ERICH1: variants seen among roughly 807,000 people sequenced by gnomAD.
ERICH1 encodes glutamate-rich protein 1.
ERICH1 carries 56 observed loss-of-function variants against 39.6 expected under a neutral mutation model. That is an observed-to-expected ratio of 1.41 (90% CI 1.14 to 1.77). The LOEUF (loss-of-function observed/expected upper bound fraction) is 1.77. Ranked by LOEUF, ERICH1 falls within the 40% of genes most tolerant of loss-of-function variation. The pLI is 0.00. For missense variants in ERICH1, 826 were observed against 575.4 expected, an observed-to-expected ratio of 1.44 and a Z score of -4.45; for synonymous variants, 313 against 223.6, an observed-to-expected ratio of 1.40 and a Z score of -3.57.
At chr8:708,681 GTTTTTTTTTTTT>G (rs139731216) in intron 2 of ERICH1, among the ~76,000 whole-genome samples, 47 of 65,772 alleles carry the variant, frequency 7.1e-4, no homozygotes, top group African/African-American at 2.3e-3. Context: ...GGGATAATGA[GTTTTTTTTTTTT>G]TTTTTTTTTT....
intron 3 of ERICH1, among the ~76,000 whole-genome samples, chr8:631,983 G>T (rs1386083742): frequency 1.3e-5 from 2 of 152,102 alleles, no homozygotes; most frequent in Non-Finnish European, 2.9e-5. Flanking sequence ...CCAGGGCTGG[G>T]TCAGACATCC....
intron 1 of ERICH1, among the ~76,000 whole-genome samples, chr8:728,817 G>A (rs552537183): frequency 6.6e-6 from 1 of 152,118 alleles, no homozygotes; most frequent in African/African-American, 2.4e-5. Flanking sequence ...CTGCTTCAAA[G>A]GCAATACATT....
intron 2 of ERICH1, among the ~76,000 whole-genome samples, chr8:693,799 C>T (rs1478543230): frequency 6.6e-6 from 1 of 152,148 alleles, no homozygotes; most frequent in Non-Finnish European, 1.5e-5. Context: ...TCATCACCAC[C>T]GTGGATGGCT....
At chr8:690,895 C>G (rs1357779223) in intron 3 of ERICH1, 1 of 152,346 alleles carries the variant, frequency 6.6e-6, no homozygotes, top group Non-Finnish European at 1.5e-5. Flanking sequence ...CTCCAGTTCT[C>G]ACCTCTGTGC....
chr8:720,807 G>A (rs1817146536), intron 1 of ERICH1, among the ~76,000 whole-genome samples: 6 of 152,194 alleles, frequency 3.9e-5, no homozygotes, highest in Admixed American at 2.6e-4. Flanking sequence ...CCTAGTGAAG[G>A]AAAACGTCTT....
chr8:625,766 T>C (rs1237062132), intron 3 of ERICH1: 1 of 152,198 alleles, frequency 6.6e-6, no homozygotes, highest in East Asian at 1.9e-4. Flanking sequence ...CTGTCTCAAG[T>C]GTTCCGTCGT....
In ERICH1 at chr8:664,245, A is replaced by C. The variant is rs1450536241; in HGVS notation, c.*358T>G. ...AATACCCAGAAAGCATTCTTAAAGC[A>C]GAGACTTTCAGATACAAGGTGATTC... is the stretch of plus-strand genomic sequence containing the variant. On this transcript the variant is annotated 3_prime_UTR_variant, in exon 6 of 6. Coordinates refer to ENST00000262109, the MANE Select transcript of ERICH1 (RefSeq NM_207332.3). 18 of 998,282 alleles carry C rather than the reference A, an allele frequency of 1.8e-5. No individual in the cohort carries two copies. The highest frequency in any genetic ancestry group is 1.7e-5 in the African/African-American group (1 of 57,762). The allele number at this position is 998,282 out of a possible 1,614,324, so 61.8% of individuals were successfully genotyped here.
chr8:678,148 A>T (rs959709676), intron 3 of ERICH1, among the ~76,000 whole-genome samples: 1 of 151,972 alleles, frequency 6.6e-6, no homozygotes, highest in African/African-American at 2.4e-5. Context: ...AAGTTAATAT[A>T]CATTAAAAAA....
At chr8:686,898 C>T (rs978044504) in intron 3 of ERICH1, among the ~76,000 whole-genome samples, 41 of 152,240 alleles carry the variant, frequency 2.7e-4, no homozygotes, top group African/African-American at 9.6e-4. Flanking sequence ...ACTGCTAGCT[C>T]TGACTCTGTC....
rs1815850991 is a variant in ERICH1 at position 715,893 on chromosome 8, T to G, written c.137A>C (p.Lys46Thr). The G allele has an allele frequency of 6.2e-7, 1 of 1,613,702 alleles. No homozygotes were observed. The change falls in exon 2 of 6, where the codon AAA becomes ACA. Residue 46 changes from lysine (K) to threonine (T), a missense_variant. Physicochemically the swap from Lys to Thr is moderately conservative, Grantham distance 78. Transcript: ENST00000262109. ...AGGCTCAGCATGTTTCTGGCTCACT[T>G]TCTCAGAGGTCACTTTCTTTGGTGG... is the stretch of plus-strand genomic sequence containing the variant. ...QNPPKKVTSE[K>T]VSQKHAEPLT...
At chr8:687,847 G>A (rs1490463738) in intron 3 of ERICH1, among the ~76,000 whole-genome samples, 1 of 152,150 alleles carries the variant, frequency 6.6e-6, no homozygotes, top group African/African-American at 2.4e-5. Flanking sequence ...CGGATGCAGC[G>A]GTCCCGCCCC....
chr8:619,474 T>C (rs930003653), intron 3 of ERICH1, among the ~76,000 whole-genome samples: 1 of 152,118 alleles, frequency 6.6e-6, no homozygotes, highest in Non-Finnish European at 1.5e-5. Flanking sequence ...CATTTGAAAA[T>C]AGCAGCACAA....
intron 2 of ERICH1, among the ~76,000 whole-genome samples, chr8:708,628 T>C (rs1813849804): frequency 6.7e-6 from 1 of 148,860 alleles, no homozygotes; most frequent in Non-Finnish European, 1.5e-5. Flanking sequence ...ATTAGTGGTT[T>C]CCAGAGGCTA....
At chr8:712,958 A>G (rs1235237002) in intron 2 of ERICH1, among the ~76,000 whole-genome samples, 1 of 152,246 alleles carries the variant, frequency 6.6e-6, no homozygotes, top group Non-Finnish European at 1.5e-5. Context: ...GCCACTACAA[A>G]GCCCCACAGA....
At chr8:729,449 C>G (rs755466522) in intron 1 of ERICH1, among the ~76,000 whole-genome samples, 1 of 152,242 alleles carries the variant, frequency 6.6e-6, no homozygotes, top group Non-Finnish European at 1.5e-5. Context: ...GGGAAATGCT[C>G]TGAAGAAGAC....
At chr8:641,606 T>A (rs996236282) in intron 3 of ERICH1, among the ~76,000 whole-genome samples, 3 of 152,266 alleles carry the variant, frequency 2.0e-5, no homozygotes, top group Non-Finnish European at 2.9e-5. Flanking sequence ...TTAATATTTC[T>A]TGATTAATTG....
exon 4 of ERICH1, chr8:615,208 C>A: frequency 1.5e-6 from 1 of 677,202 alleles, no homozygotes; most frequent in South Asian, 1.6e-5. Context: ...TTGTCCAAGT[C>A]AGCACCACAG....
intron 3 of ERICH1, among the ~76,000 whole-genome samples, chr8:678,243 A>T (rs890477589): frequency 3.9e-5 from 6 of 152,088 alleles, no homozygotes; most frequent in African/African-American, 1.4e-4. Flanking sequence ...TTTTCCTCCC[A>T]ATTTCTCTGA....
At chr8:652,208 TG>T (rs1673231515) in intron 3 of ERICH1, among the ~76,000 whole-genome samples, 1 of 144,800 alleles carries the variant, frequency 6.9e-6, no homozygotes, top group Non-Finnish European at 1.6e-5. Context: ...ATCCGACGCC[TG>T]AAGACCTTAC....
Sources: allele counts gnomAD v4.1 joint callset (sites outside exome capture counted in the v4.1 genomes callset), GRCh38; gene constraint gnomAD v4.1.1; transcripts MANE v1.5; gene names NCBI Gene and HGNC (gene_info 2026-07-23, HGNC 2026-07-21).